EXOC6B: variants seen among roughly 807,000 people sequenced by gnomAD.
EXOC6B encodes the protein SEC15 homolog B.
Under a neutral mutation model 113.5 loss-of-function variants are expected in EXOC6B, and 54 were observed. The observed-to-expected ratio is 0.48, with a 90% CI of 0.38 to 0.60. The LOEUF is 0.60. Among genes scored for constraint, EXOC6B ranks in the 20% least tolerant of loss-of-function variants. The pLI is 0.00. For missense variants in EXOC6B, 797 were observed against 977.5 expected (o/e 0.82, Z 2.46); for synonymous variants, 357 against 339.0 (o/e 1.05, Z -0.58).
chr2:72,605,063 T>C (rs1001019207), intron 6 of EXOC6B, among the ~76,000 whole-genome samples: 1 of 151,640 alleles, frequency 6.6e-6, no homozygotes, highest in Non-Finnish European at 1.5e-5. Flanking sequence ...GGAGGGTGGA[T>C]TATGAGGTCG....
At chr2:72,585,084 A>G (rs1184903222) in intron 6 of EXOC6B, among the ~76,000 whole-genome samples, 1 of 152,240 alleles carries the variant, frequency 6.6e-6, no homozygotes, top group East Asian at 1.9e-4. Context: ...ATGATCTAAC[A>G]TCATACCTAG....
chr2:72,223,587 G>T (rs1362310006), intron 20 of EXOC6B, among the ~76,000 whole-genome samples: 1 of 152,040 alleles, frequency 6.6e-6, no homozygotes, highest in Non-Finnish European at 1.5e-5. Flanking sequence ...GGGCTTTTTT[G>T]AATTAAAATG....
chr2:72,604,480 T>C (rs1670627124), intron 6 of EXOC6B, among the ~76,000 whole-genome samples: 1 of 152,230 alleles, frequency 6.6e-6, no homozygotes. Context: ...TGGATTATTT[T>C]ATTTAAATTC....
chr2:72,636,142 GACCTC>G (rs1672801665), intron 6 of EXOC6B, among the ~76,000 whole-genome samples: 1 of 152,048 alleles, frequency 6.6e-6, no homozygotes. Flanking sequence ...AGGATGGCTT[GACCTC>G]AGGAGTTTGA....
chr2:72,647,730 T>C (rs1289214029), intron 6 of EXOC6B, among the ~76,000 whole-genome samples: 3 of 152,172 alleles, frequency 2.0e-5, no homozygotes, highest in Non-Finnish European at 2.9e-5. Flanking sequence ...TAGCTATACA[T>C]AGAAAGCTGA....
At chr2:72,574,722 A>G (rs1438029411) in intron 7 of EXOC6B, among the ~76,000 whole-genome samples, 1 of 152,230 alleles carries the variant, frequency 6.6e-6, no homozygotes, top group Admixed American at 6.5e-5. Flanking sequence ...GAATTTGAAT[A>G]CAGTCAGACT....
intron 6 of EXOC6B, among the ~76,000 whole-genome samples, chr2:72,696,966 C>T (rs985418017): frequency 1.3e-4 from 20 of 151,964 alleles, no homozygotes; most frequent in African/African-American, 4.8e-4. Context: ...AAAGAACATA[C>T]AAAATTTGAA....
chr2:72,363,351 G>T (rs1014451518), intron 19 of EXOC6B, among the ~76,000 whole-genome samples: 5 of 152,026 alleles, frequency 3.3e-5, no homozygotes, highest in African/African-American at 1.2e-4. Context: ...GTAGAAAACA[G>T]CTGAACTGAC....
At chr2:72,590,686 A>G (rs1465286039) in intron 6 of EXOC6B, among the ~76,000 whole-genome samples, 4 of 152,030 alleles carry the variant, frequency 2.6e-5, no homozygotes, top group Non-Finnish European at 4.4e-5. Flanking sequence ...TTCTTTATCA[A>G]TAACTTCTGC....
chr2:72,448,959 A>T (rs1239005296), intron 18 of EXOC6B, among the ~76,000 whole-genome samples: 1 of 152,182 alleles, frequency 6.6e-6, no homozygotes, highest in Non-Finnish European at 1.5e-5. Context: ...CACAAGTTTA[A>T]AAAGAGTCGT....
chr2:72,439,625 T>G (rs1696076358), intron 18 of EXOC6B, among the ~76,000 whole-genome samples: 1 of 152,242 alleles, frequency 6.6e-6, no homozygotes, highest in African/African-American at 2.4e-5. Context: ...CTGCAATGTT[T>G]TATCATGATA....
At chr2:72,671,772 AAAGAAAGAAAGAAAGAAAGAAAGAAAG>A (rs1400145698) in intron 6 of EXOC6B, among the ~76,000 whole-genome samples, 1 of 104,924 alleles carries the variant, frequency 9.5e-6, no homozygotes, top group Non-Finnish European at 1.9e-5. Context: ...AGAAAGAAAG[AAAGAAAGAAAGAAAGAAAGAAAGAAAG>A]AAAGAAAGAA....
At chr2:72,823,459 G>GAAAAAAAAAAAAAAAAAAAAA (rs1237385156) in intron 1 of EXOC6B, among the ~76,000 whole-genome samples, 4 of 70,028 alleles carry the variant, frequency 5.7e-5, no homozygotes, top group African/African-American at 2.4e-4. Flanking sequence ...AAAGTTTTAA[G>GAAAAAAAAAAAAAAAAAAAAA]AAAAAAAAAA....
intron 16 of EXOC6B, among the ~76,000 whole-genome samples, chr2:72,486,189 T>C (rs1161093435): frequency 6.6e-6 from 1 of 151,752 alleles, no homozygotes; most frequent in Non-Finnish European, 1.5e-5. Flanking sequence ...GGCCAATATG[T>C]TGAAACATTG....
chr2:72,818,989 T>C (rs572513213), intron 1 of EXOC6B, among the ~76,000 whole-genome samples: 22 of 152,320 alleles, frequency 1.4e-4, no homozygotes, highest in Non-Finnish European at 2.6e-4. Context: ...TCATTTATTC[T>C]GTAAGTGCCC....
At chr2:72,587,912 G>T (rs1022735318) in intron 6 of EXOC6B, among the ~76,000 whole-genome samples, 5 of 151,328 alleles carry the variant, frequency 3.3e-5, no homozygotes, top group Admixed American at 2.0e-4. Flanking sequence ...ACATACAAAT[G>T]TCCAACAAAA....
intron 1 of EXOC6B, among the ~76,000 whole-genome samples, chr2:72,787,319 C>T (rs1684431208): frequency 1.3e-5 from 2 of 151,914 alleles, no homozygotes; most frequent in South Asian, 4.2e-4. Flanking sequence ...TCAAGCAGTT[C>T]CTTCACCTCA....
At chr2:72,702,027 C>T (rs1678389328) in intron 6 of EXOC6B, among the ~76,000 whole-genome samples, 1 of 151,470 alleles carries the variant, frequency 6.6e-6, no homozygotes, top group African/African-American at 2.4e-5. Context: ...CCCACTAACT[C>T]GTCATCTAGT....
At chr2:72,532,538 G>A (rs373104188) in intron 8 of EXOC6B, among the ~76,000 whole-genome samples, 19 of 152,256 alleles carry the variant, frequency 1.2e-4, no homozygotes, top group African/African-American at 3.1e-4. Flanking sequence ...GGCCAGGCAC[G>A]GTGGCTCACA....
Sources: allele counts gnomAD v4.1 joint callset (sites outside exome capture counted in the v4.1 genomes callset), GRCh38; gene constraint gnomAD v4.1.1; transcripts MANE v1.5; gene names NCBI Gene and HGNC (gene_info 2026-07-23, HGNC 2026-07-21).